PCDHGA5: variants seen among roughly 807,000 people sequenced by gnomAD.
PCDHGA5 encodes the protein protocadherin gamma-A5.
PCDHGA5 carries 36 observed loss-of-function variants against 56.7 expected under a neutral mutation model. The observed-to-expected ratio is 0.64, with a 90% confidence interval of 0.49 to 0.84. The LOEUF (loss-of-function observed/expected upper bound fraction) is 0.84. Among genes scored for constraint, PCDHGA5 ranks in the 40% least tolerant of loss-of-function variants. PCDHGA5 has a pLI of 0.00. For missense variants in PCDHGA5, 1,305 were observed against 1,201.5 expected (o/e 1.09, Z -1.27); for synonymous variants, 563 against 520.2 (o/e 1.08, Z -1.12).
intron 2 of PCDHGA5, among the ~76,000 whole-genome samples, chr5:141,501,166 C>T (rs1443045812): frequency 6.6e-6 from 1 of 152,154 alleles, no homozygotes; most frequent in African/African-American, 2.4e-5. Flanking sequence ...CATCCCCAGC[C>T]TCATTTACAT....
intron 1 of PCDHGA5, chr5:141,398,688 T>C: frequency 1.2e-6 from 2 of 1,613,938 alleles, no homozygotes; most frequent in South Asian, 2.2e-5. Flanking sequence ...AGAAACAGGA[T>C]GGTAGTAAAT....
rs1177814811 is a variant in PCDHGA5 at position 141,511,841 on chromosome 5, CTGTTT to C, written c.*675_*679del. The C allele has an allele frequency of 3.2e-5, 5 of 156,826 alleles. No homozygotes were observed. Among genetic ancestry groups the C allele is most frequent in the African/African-American group, 4.8e-5 (2 of 41,458 alleles). The allele number at this position is 156,826 out of a possible 1,614,324, so 9.7% of individuals were successfully genotyped here. ...TCCCAACGCCCTGGGGACCAGTCTT[CTGTTT>C]TGTTTTTCATTGTTTGACGTTTCCA... On this transcript the variant is annotated 3_prime_UTR_variant, in exon 4 of 4. Coordinates refer to ENST00000518069, the MANE Select transcript of PCDHGA5 (RefSeq NM_018918.3).
Position 141,431,872 on chromosome 5 carries a change from A to G in PCDHGA5, c.2422-62935A>G, listed in dbSNP as rs2097425104. 5 of 1,614,222 alleles carry G rather than the reference A, an allele frequency of 3.1e-6. No individual in the cohort carries two copies. The highest frequency in any genetic ancestry group is 4.2e-6 in the Non-Finnish European group (5 of 1,180,002). ...GGACATTAATTGCCCTTTTAAATGT[A>G]AATGACCAAGATTCTGAGGAAAACG... On this transcript the variant is annotated intron_variant, in intron 1 of 3. Transcript: ENST00000518069. The surrounding 1 kb of genome is among the most constrained non-coding windows in gnomAD (Gnocchi z 4.8).
In PCDHGA5 at chr5:141,511,979, T is replaced by C. The variant is rs1205375941; in HGVS notation, c.*806T>C. ...AGGAAGGGAAGTGTGTGGATGTGGA[T>C]GGTGGGGGCATGGACAAAGCTTGAC... On this transcript the variant is annotated 3_prime_UTR_variant, in exon 4 of 4. Transcript: ENST00000518069. The C allele has an allele frequency of 6.5e-5, 10 of 153,278 alleles. No individual in the cohort carries two copies. The highest frequency in any genetic ancestry group is 1.5e-4 in the Non-Finnish European group (10 of 68,568). The allele number at this position is 153,278 out of a possible 1,614,324, so 9.5% of individuals were successfully genotyped here.
chr5:141,419,765 G>A, intron 1 of PCDHGA5: 1 of 1,614,016 alleles, frequency 6.2e-7, no homozygotes, highest in Non-Finnish European at 8.5e-7. Context: ...GGGTGACAAG[G>A]ACTCGGTCCG....
chr5:141,508,979 G>C (rs1317798009), intron 3 of PCDHGA5, among the ~76,000 whole-genome samples: 1 of 152,110 alleles, frequency 6.6e-6, no homozygotes, highest in Admixed American at 6.5e-5. Context: ...GCTGGGGGTG[G>C]GGGCCAGCTG....
At chr5:141,447,520 T>C (rs1156521785) in intron 1 of PCDHGA5, among the ~76,000 whole-genome samples, 1 of 152,202 alleles carries the variant, frequency 6.6e-6, no homozygotes, top group Non-Finnish European at 1.5e-5. Context: ...ATAACAATCA[T>C]AACAAAATTG....
At chr5:141,509,574 G>A (rs554778751) in intron 3 of PCDHGA5, among the ~76,000 whole-genome samples, 7 of 152,182 alleles carry the variant, frequency 4.6e-5, no homozygotes, top group Non-Finnish European at 5.9e-5. Flanking sequence ...TTCACAGTGC[G>A]TACAAATCAG....
chr5:141,430,090 G>T (rs2097260736), intron 1 of PCDHGA5, among the ~76,000 whole-genome samples: 1 of 152,096 alleles, frequency 6.6e-6, no homozygotes, highest in Non-Finnish European at 1.5e-5. Context: ...ATGAAAATTT[G>T]ATTTTTAAGC....
chr5:141,465,454 T>A (rs1031876441), intron 1 of PCDHGA5, among the ~76,000 whole-genome samples: 1 of 152,184 alleles, frequency 6.6e-6, no homozygotes, highest in Non-Finnish European at 1.5e-5. Flanking sequence ...AAGAAAACTC[T>A]CACCAAATTG....
chr5:141,486,590 C>T lies in PCDHGA5; in HGVS notation c.2422-8217C>T, dbSNP rs781629297. On this transcript the variant is annotated intron_variant, in intron 1 of 3. Transcript: ENST00000518069. This position sits in a 1 kb window ranked among gnomAD's most constrained non-coding sequence, Gnocchi z 5.0. Reference sequence around the variant, plus strand: ...TCCTGAGAACAATCGCCCAGGGGACCTGCTTTGCTCCCTTGCAGCCTCTGA... The same window carrying T: ...TCCTGAGAACAATCGCCCAGGGGACTTGCTTTGCTCCCTTGCAGCCTCTGA... The T allele has an allele frequency of 6.2e-7, 1 of 1,613,640 alleles. No individual in the cohort carries two copies.
chr5:141,507,012 G>A (rs2099857902), intron 3 of PCDHGA5: 1 of 152,208 alleles, frequency 6.6e-6, no homozygotes, highest in Admixed American at 6.5e-5. Flanking sequence ...AGAGAACCGA[G>A]AAGGCACTTG....
At chr5:141,446,968 G>A (rs1052445705) in intron 1 of PCDHGA5, among the ~76,000 whole-genome samples, 12 of 152,050 alleles carry the variant, frequency 7.9e-5, no homozygotes, top group African/African-American at 2.4e-4. Flanking sequence ...AGGGAAATTT[G>A]CTGTCTAATT....
chr5:141,469,731 C>T (rs1332201791), intron 1 of PCDHGA5, among the ~76,000 whole-genome samples: 1 of 152,214 alleles, frequency 6.6e-6, no homozygotes, highest in Non-Finnish European at 1.5e-5. Context: ...ATCATAAATA[C>T]ACACCTCAAA....
At chr5:141,421,794 G>A in intron 1 of PCDHGA5, 1 of 1,613,788 alleles carries the variant, frequency 6.2e-7, no homozygotes, top group Non-Finnish European at 8.5e-7. Flanking sequence ...GAACGGATGG[G>A]GCCAAGAATC....
chr5:141,486,505 T>C lies in PCDHGA5; in HGVS notation c.2422-8302T>C. The C allele has an allele frequency of 6.2e-7, 1 of 1,614,156 alleles. No individual in the cohort carries two copies. ...GTACCCACAGAACTATTTTCCTCAA[T>C]ATTTCAGATGTGAATGATAATCCAC... is the stretch of plus-strand genomic sequence containing the variant. On this transcript the variant is annotated intron_variant, in intron 1 of 3. Coordinates refer to ENST00000518069, the MANE Select transcript of PCDHGA5 (RefSeq NM_018918.3). The surrounding 1 kb of genome is among the most constrained non-coding windows in gnomAD (Gnocchi z 5.0).
At chr5:141,415,974 C>T (rs2095976813) in intron 1 of PCDHGA5, 1 of 375,644 alleles carries the variant, frequency 2.7e-6, no homozygotes, top group African/African-American at 2.1e-5. Flanking sequence ...GCCCCTTAAG[C>T]AACCCTCTTG....
In PCDHGA5 at chr5:141,486,036, G is replaced by A. The variant is rs773301300; in HGVS notation, c.2422-8771G>A. ...TATTTCAGTGGTCATACCCCTGATC[G>A]TGTAAGAAACCTCTTTAGCCTGCAC... On this transcript the variant is annotated intron_variant, in intron 1 of 3. Transcript: ENST00000518069. This position sits in a 1 kb window ranked among gnomAD's most constrained non-coding sequence, Gnocchi z 5.0. 2.5e-6 allele frequency: 4 copies of A among 1,614,048 alleles called. No individual in the cohort carries two copies. Among genetic ancestry groups the A allele is most frequent in the Admixed American group, 1.7e-5 (1 of 60,004 alleles).
At chr5:141,376,296 C>A (rs769852070) in intron 1 of PCDHGA5, 44 of 1,614,066 alleles carry the variant, frequency 2.7e-5, no homozygotes, top group Middle Eastern at 1.6e-4. Flanking sequence ...ATGCCCGGCT[C>A]GCACTTTGTG....
Sources: gnomAD v4.1 joint callset for allele counts (sites outside exome capture counted in the v4.1 genomes callset) on GRCh38, gnomAD v4.1.1 for gene constraint, Gnocchi (gnomAD v3.1) non-coding constraint, MANE v1.5 for transcripts, NCBI Gene and HGNC (gene_info 2026-07-23, HGNC 2026-07-21) for gene names.